Variants in SGK3 observed in about 807,000 individuals in gnomAD.
SGK3 encodes the protein serine/threonine-protein kinase Sgk3.
SGK3 carries 47 observed loss-of-function variants against 68.5 expected under a neutral mutation model. The observed-to-expected ratio is 0.69, with a 90% CI of 0.54 to 0.87. The LOEUF (loss-of-function observed/expected upper bound fraction) is 0.87, where lower values mean the gene tolerates loss of function less well. Ranked by LOEUF, SGK3 falls within the 40% of genes least tolerant of loss-of-function variation. The probability of loss-of-function intolerance (pLI) is 0.00; values close to 1 mark genes in which losing one functional copy is unlikely to be tolerated. For synonymous variants in SGK3, 181 were observed against 189.1 expected (o/e 0.96, Z 0.35); for missense variants, 479 against 575.5 (o/e 0.83, Z 1.72).
chr8:66,843,993 C>CAAA (rs11311018), intron 14 of SGK3, among the ~76,000 whole-genome samples: 5 of 71,406 alleles, frequency 7.0e-5, no homozygotes, highest in Non-Finnish European at 1.3e-4. Flanking sequence ...GACTCTGTCT[C>CAAA]AAAAAAAAAA....
At chr8:66,830,832 TACC>T (rs1809274318) in intron 7 of SGK3, among the ~76,000 whole-genome samples, 1 of 152,242 alleles carries the variant, frequency 6.6e-6, no homozygotes, top group Non-Finnish European at 1.5e-5. Context: ...TCAGAAGAAT[TACC>T]ACGTTATATA....
At chr8:66,846,861 A>G (rs1299049117) in intron 14 of SGK3, among the ~76,000 whole-genome samples, 1 of 152,102 alleles carries the variant, frequency 6.6e-6, no homozygotes, top group Non-Finnish European at 1.5e-5. Flanking sequence ...TTGAACTTCT[A>G]TTTCCAATGA....
intron 6 of SGK3, 70 bp downstream of exon 6, chr8:66,822,529 CACTT>C (rs1283905174): frequency 6.9e-7 from 1 of 1,443,444 alleles, no homozygotes; most frequent in East Asian, 2.3e-5. Flanking sequence ...GGCTTTAGGA[CACTT>C]ACTTCAAATG....
chr8:66,820,898 G>T (rs773081561), intron 5 of SGK3, among the ~76,000 whole-genome samples: 2 of 151,974 alleles, frequency 1.3e-5, no homozygotes, highest in Non-Finnish European at 2.9e-5. Flanking sequence ...TGGAGACAGA[G>T]TCTTGCTATG....
intron 4 of SGK3, among the ~76,000 whole-genome samples, chr8:66,807,727 GT>G (rs1808222086): frequency 6.6e-6 from 1 of 152,162 alleles, no homozygotes; most frequent in African/African-American, 2.4e-5. Flanking sequence ...GTTTGGTAGT[GT>G]TTAGAAAAAC....
At chr8:66,780,595 G>A (rs1205905426) in intron 1 of SGK3, among the ~76,000 whole-genome samples, 1 of 152,168 alleles carries the variant, frequency 6.6e-6, no homozygotes, top group Non-Finnish European at 1.5e-5. Context: ...TACAATAGAC[G>A]AGATGGGAGA....
At chr8:66,726,750 A>G (rs983684723) in intron 1 of SGK3, among the ~76,000 whole-genome samples, 5 of 148,656 alleles carry the variant, frequency 3.4e-5, no homozygotes, top group African/African-American at 1.3e-4. Flanking sequence ...ACAGTGAGCC[A>G]TGATTGCTCT....
At chr8:66,824,495 A>G (rs1184027795) in intron 6 of SGK3, among the ~76,000 whole-genome samples, 2 of 152,198 alleles carry the variant, frequency 1.3e-5, no homozygotes, top group Non-Finnish European at 2.9e-5. Flanking sequence ...TGCAGAACTG[A>G]TAACAGTAAG....
rs192097600 is a variant in SGK3, at chr8:66,817,171, G to A, written c.329+3243G>A. On this transcript the variant is annotated intron_variant, in intron 5 of 16. Coordinates refer to ENST00000521198, the MANE Select transcript of SGK3 (RefSeq NM_001033578.3). The stretch of plus-strand genomic sequence containing the variant: ...CTTCTGGCCAGGCACAGTGGCTCAC[G>A]CCTGTAATCTCAACACTTTGGGAGG... 5.4e-3 allele frequency among the ~76,000 whole-genome samples: 822 copies of A among 152,072 alleles called. 12 individuals are homozygous for A. Among genetic ancestry groups the A allele is most frequent in the African/African-American group, 0.018 (743 of 41,542 alleles).
chr8:66,772,997 G>A (rs1293027032), intron 1 of SGK3, among the ~76,000 whole-genome samples: 1 of 152,182 alleles, frequency 6.6e-6, no homozygotes, highest in Non-Finnish European at 1.5e-5. Context: ...CAGATCCTAA[G>A]TATTATAGCA....
At chr8:66,750,610 A>G (rs1805784798) in intron 1 of SGK3, among the ~76,000 whole-genome samples, 1 of 151,048 alleles carries the variant, frequency 6.6e-6, no homozygotes, top group Non-Finnish European at 1.5e-5. Context: ...AATCACTTGA[A>G]CCTGGGAGGC....
chr8:66,750,378 C>T (rs1171270771), intron 1 of SGK3, among the ~76,000 whole-genome samples: 3 of 152,050 alleles, frequency 2.0e-5, no homozygotes, highest in Admixed American at 2.0e-4. Flanking sequence ...TATTTTGCCC[C>T]AGCCTGAGCC....
At chr8:66,758,690 C>T (rs1169474615) in intron 1 of SGK3, among the ~76,000 whole-genome samples, 5 of 152,222 alleles carry the variant, frequency 3.3e-5, no homozygotes, top group Admixed American at 2.6e-4. Context: ...CATATTAATG[C>T]ACTTTTTTTG....
At chr8:66,816,967 A>G (rs1419405732) in intron 5 of SGK3, among the ~76,000 whole-genome samples, 6 of 151,992 alleles carry the variant, frequency 3.9e-5, no homozygotes, top group Admixed American at 2.0e-4. Context: ...AGTAGCTGGG[A>G]TTACAGGTGT....
rs539714071 is a variant in SGK3 at position 66,722,535 on chromosome 8, T to C, written c.-122+9702T>C. The stretch of plus-strand genomic sequence containing the variant: ...GATCCGCCCACCTTGGCCTCCCAAA[T>C]TGCTGGGATTACAGGCGTGAGCCGC... On this transcript the variant is annotated intron_variant, in intron 1 of 16. Coordinates refer to ENST00000521198, the MANE Select transcript of SGK3 (RefSeq NM_001033578.3). Among the ~76,000 whole-genome samples, 18 of 152,300 alleles carry C rather than the reference T, an allele frequency of 1.2e-4. No individual in the cohort carries two copies. In the East Asian group the frequency reaches 2.9e-3, roughly 25 times the overall value.
chr8:66,722,534 A>G (rs1804824667), intron 1 of SGK3, among the ~76,000 whole-genome samples: 1 of 152,234 alleles, frequency 6.6e-6, no homozygotes, highest in African/African-American at 2.4e-5. Context: ...GGCCTCCCAA[A>G]TTGCTGGGAT....
chr8:66,813,898 A>G lies in SGK3; in HGVS notation c.299A>G (p.Asn100Ser). Residue 100 changes from asparagine to serine, a missense_variant, in exon 5 of 17, where the codon AAC becomes AGC. Physicochemically the swap from Asn to Ser is conservative, Grantham distance 46. Transcript: ENST00000521198. Reference protein sequence around the residue: ...RRAGLNEFIQNLVRYPELYNH... With the variant: ...RRAGLNEFIQSLVRYPELYNH... ...GCAGGACTAAACGAATTCATTCAGAACCTAGTTAGGTATCCAGAACTTTAT... is the reference window on the plus strand; with the variant it reads ...GCAGGACTAAACGAATTCATTCAGAGCCTAGTTAGGTATCCAGAACTTTAT... The G allele has an allele frequency of 6.3e-7, 1 of 1,597,696 alleles. No homozygotes were observed. Among genetic ancestry groups the G allele is most frequent in the Non-Finnish European group, 8.5e-7 (1 of 1,172,972 alleles).
intron 10 of SGK3, among the ~76,000 whole-genome samples, chr8:66,839,559 T>TATATATGTATA (rs1563654706): frequency 1.4e-5 from 1 of 70,334 alleles, no homozygotes; most frequent in African/African-American, 7.2e-5. Flanking sequence ...ATATATATAT[T>TATATATGTATA]TTCATATGGG....
chr8:66,729,168 G>A (rs372724185), intron 1 of SGK3, among the ~76,000 whole-genome samples: 7 of 149,570 alleles, frequency 4.7e-5, no homozygotes, highest in African/African-American at 1.7e-4. Context: ...GCAGTGAGCC[G>A]AGATCGCGCC....
Sources: allele counts gnomAD v4.1 joint callset (sites outside exome capture counted in the v4.1 genomes callset), GRCh38; gene constraint gnomAD v4.1.1; transcripts MANE v1.5; gene names NCBI Gene and HGNC (gene_info 2026-07-23, HGNC 2026-07-21).